GRWD1: variants seen among roughly 807,000 people sequenced by gnomAD.
GRWD1 encodes the protein glutamate-rich WD repeat-containing protein 1.
A neutral mutation model predicts 45.3 loss-of-function variants in GRWD1; 29 were observed. That is an observed-to-expected ratio of 0.64 (90% CI 0.48 to 0.87). The LOEUF (loss-of-function observed/expected upper bound fraction) is 0.87, where lower values mean the gene tolerates loss of function less well. Ranked by LOEUF, GRWD1 falls within the 40% of genes least tolerant of loss-of-function variation. The pLI is 0.00. For synonymous variants in GRWD1, 262 were observed against 257.6 expected (o/e 1.02, Z -0.16); for missense variants, 592 against 618.8 (o/e 0.96, Z 0.46).
At chr19:48,446,563 C>T in intron 2 of GRWD1, 61 bp downstream of exon 2, 1 of 1,585,230 alleles carries the variant, frequency 6.3e-7, no homozygotes, top group Non-Finnish European at 8.6e-7. Flanking sequence ...CCTCAGCACC[C>T]AGGAGTTAGG....
chr19:48,449,938 G>A (rs2147484380), intron 3 of GRWD1, among the ~76,000 whole-genome samples: 1 of 152,232 alleles, frequency 6.6e-6, no homozygotes, highest in South Asian at 2.1e-4. Flanking sequence ...AACAAACACA[G>A]AGGCAAGGAG....
chr19:48,453,082 T>C lies in GRWD1; in HGVS notation c.*57T>C. 1.3e-6 allele frequency: 2 copies of C among 1,487,374 alleles called. No homozygotes were observed. Among genetic ancestry groups the C allele is most frequent in the Non-Finnish European group, 1.8e-6 (2 of 1,101,972 alleles). The allele number at this position is 1,487,374 out of a possible 1,614,324, so 92.1% of individuals were successfully genotyped here. Reference sequence around the variant, plus strand: ...CTTGGAAACTGAAGTCGAATTGGGCTCCCCTGGAAGGGGTTCATTCAGGTC... The same window carrying C: ...CTTGGAAACTGAAGTCGAATTGGGCCCCCCTGGAAGGGGTTCATTCAGGTC... On this transcript the variant is annotated 3_prime_UTR_variant, in exon 7 of 7. Coordinates refer to ENST00000253237, the MANE Select transcript of GRWD1 (RefSeq NM_031485.4).
chr19:48,447,906 A>G (rs1489522500), intron 3 of GRWD1, among the ~76,000 whole-genome samples: 1 of 152,054 alleles, frequency 6.6e-6, no homozygotes, highest in Non-Finnish European at 1.5e-5. Flanking sequence ...TTGTAATATG[A>G]GGTATGTATT....
chr19:48,449,132 C>T (rs894258243), intron 3 of GRWD1, among the ~76,000 whole-genome samples: 22 of 151,824 alleles, frequency 1.4e-4, no homozygotes, highest in African/African-American at 5.1e-4. Flanking sequence ...TCGCTTTTGT[C>T]GCCCAGGCCG....
At chr19:48,447,197 C>G (rs1271848861) in intron 3 of GRWD1, among the ~76,000 whole-genome samples, 1 of 151,594 alleles carries the variant, frequency 6.6e-6, no homozygotes, top group Non-Finnish European at 1.5e-5. Flanking sequence ...CCTCAGCCTC[C>G]CAAGTAGCTG....
intron 3 of GRWD1, among the ~76,000 whole-genome samples, chr19:48,447,213 A>G (rs1398067503): frequency 6.6e-6 from 1 of 151,210 alleles, no homozygotes; most frequent in Non-Finnish European, 1.5e-5. Context: ...AGCTGGGGCT[A>G]TAGGCGCCTG....
In GRWD1 at chr19:48,453,352, G is replaced by A. The variant is rs1046319242; in HGVS notation, c.*327G>A. 2 of 239,260 alleles carry A rather than the reference G, an allele frequency of 8.4e-6. No individual in the cohort carries two copies. Among genetic ancestry groups the A allele is most frequent in the Non-Finnish European group, 1.6e-5 (2 of 123,850 alleles). The allele number at this position is 239,260 out of a possible 1,614,324, so 14.8% of individuals were successfully genotyped here. On this transcript the variant is annotated 3_prime_UTR_variant, in exon 7 of 7. Coordinates refer to ENST00000253237, the MANE Select transcript of GRWD1 (RefSeq NM_031485.4). The stretch of plus-strand genomic sequence containing the variant: ...CCAGAACCCAGTTTTTTGTTTGTTT[G>A]TTTGAGACGGAGTCTTGGTCTGTCG...
chr19:48,446,322 G>T, intron 1 of GRWD1, 63 bp from the exon 2 acceptor site: 1 of 1,561,472 alleles, frequency 6.4e-7, no homozygotes, highest in South Asian at 1.1e-5. Context: ...GATCCATGAG[G>T]GAGGTGGGGA....
At chr19:48,451,362 C>T (rs1404970790) in intron 6 of GRWD1, 131 bp downstream of exon 6, 2 of 769,472 alleles carry the variant, frequency 2.6e-6, no homozygotes, top group African/African-American at 3.5e-5. Flanking sequence ...TAGACTCCTG[C>T]CTCTTCAGGG....
chr19:48,450,587 G>A lies in GRWD1; in HGVS notation c.682+61G>A. 3 of 1,609,974 alleles carry A rather than the reference G, an allele frequency of 1.9e-6. No homozygotes were observed. The South Asian group carries it at 3.3e-5, about 18-fold the overall frequency. ...CGGGGGAGCAGGGTCTGCAACAAGG[G>A]GCCGGGCGCTTAGACTCCAAGGAGG... On this transcript the variant is annotated intron_variant, in intron 4 of 6. Transcript: ENST00000253237. This position sits in a 1 kb window ranked among gnomAD's most constrained non-coding sequence, Gnocchi z 5.1.
chr19:48,446,231 G>C (rs1001945327), intron 1 of GRWD1, 39 bp downstream of exon 1: 2 of 1,579,542 alleles, frequency 1.3e-6, no homozygotes, highest in African/African-American at 2.7e-5. Flanking sequence ...TGAGGTGGCT[G>C]ATCCCGAGCC....
rs2380120 is a variant in GRWD1, at chr19:48,446,929, A to C, written c.468+86A>C. On this transcript the variant is annotated intron_variant, in intron 3 of 6. Coordinates refer to ENST00000253237, the MANE Select transcript of GRWD1 (RefSeq NM_031485.4). ...TGTCCATAACTCCCAACACCTCCTC[A>C]TGTTCTTTTTTTTTTTTTTTTTTTT... is the stretch of plus-strand genomic sequence containing the variant. 2.0e-4 allele frequency: 7 copies of C among 34,446 alleles called. 1 individual carries two copies. The highest frequency in any genetic ancestry group is 5.2e-4 in the Non-Finnish European group (7 of 13,510). 2.1% of individuals were successfully genotyped at this position (34,446 alleles called of 1,614,324 possible). A position where few individuals can be genotyped will look rare whatever the true frequency, so the allele number is the denominator to read the frequency against.
intron 1 of GRWD1, 73 bp downstream of exon 1, chr19:48,446,265 A>AG: frequency 6.4e-7 from 1 of 1,565,656 alleles, no homozygotes; most frequent in Non-Finnish European, 8.7e-7. Flanking sequence ...GTGCTCGGGA[A>AG]GAGAAGGCTG....
Position 48,452,810 on chromosome 19 carries a change from C to T in GRWD1, c.1126C>T (p.His376Tyr). 1 of 1,613,416 alleles carries T rather than the reference C, an allele frequency of 6.2e-7. No individual in the cohort carries two copies. Among genetic ancestry groups the T allele is most frequent in the South Asian group, 1.1e-5 (1 of 91,042 alleles). ...SGVFAASGAD[H>Y]QITQWDLAVE... ...GGTCTTTGCAGCCTCGGGTGCAGAC[C>T]ACCAGATCACACAGTGGGACCTGGC... Residue 376 changes from histidine (H) to tyrosine (Y), a missense_variant, in exon 7 of 7, where the codon CAC (histidine) becomes TAC (tyrosine). His to Tyr is a moderately conservative substitution (Grantham distance 83). Coordinates refer to ENST00000253237, the MANE Select transcript of GRWD1 (RefSeq NM_031485.4). This position sits in a 1 kb window ranked among gnomAD's most constrained non-coding sequence, Gnocchi z 5.1.
Position 48,447,390 on chromosome 19 carries a change from G to A in GRWD1, c.468+547G>A, listed in dbSNP as rs1294869669. ...GCCAAGTAGCTGAGATTACAGGTGC[G>A]CGCCACCACGCCCGGCTAATTTTTG... On this transcript the variant is annotated intron_variant, in intron 3 of 6. Coordinates refer to ENST00000253237, the MANE Select transcript of GRWD1 (RefSeq NM_031485.4). Among the ~76,000 whole-genome samples, 3 of 152,192 alleles carry A rather than the reference G, an allele frequency of 2.0e-5. No individual in the cohort carries two copies. The South Asian group carries it at 6.2e-4, about 32-fold the overall frequency.
At position 48,450,468 on chromosome 19, in the gene GRWD1, C is replaced by G. The variant is rs752450363; in HGVS notation, c.624C>G (p.Phe208Leu). ...RDEQAQMKPIFSFAGHMGEGF... is the reference protein window; with the variant it reads ...RDEQAQMKPILSFAGHMGEGF... Reference sequence around the variant, plus strand: ...AGCAGGCCCAAATGAAGCCCATCTTCTCCTTCGCTGGACACATGGGCGAGG... The same window carrying G: ...AGCAGGCCCAAATGAAGCCCATCTTGTCCTTCGCTGGACACATGGGCGAGG... The change falls in exon 4 of 7, where the codon TTC (phenylalanine) becomes TTG (leucine). Residue 208 changes from phenylalanine to leucine, a missense_variant. Transcript: ENST00000253237. The surrounding 1 kb of genome is among the most constrained non-coding windows in gnomAD (Gnocchi z 5.1). 7 of 1,613,988 alleles carry G rather than the reference C, an allele frequency of 4.3e-6. No individual in the cohort carries two copies. In the East Asian group the frequency reaches 1.3e-4, roughly 31 times the overall value.
At chr19:48,451,441 C>G (rs1168955977) in intron 6 of GRWD1, among the ~76,000 whole-genome samples, 1 of 152,122 alleles carries the variant, frequency 6.6e-6, no homozygotes, top group Non-Finnish European at 1.5e-5. Flanking sequence ...GTCACTCACT[C>G]TACCAGGGGA....
chr19:48,450,345 G>C lies in GRWD1; in HGVS notation c.501G>C (p.Gly167=). 1 of 1,612,758 alleles carries C rather than the reference G, an allele frequency of 6.2e-7. No homozygotes were observed. The highest frequency in any genetic ancestry group is 8.5e-7 in the Non-Finnish European group (1 of 1,179,800). Residue 167 remains glycine (G), a synonymous_variant, in exon 4 of 7, where the codon GGG becomes GGC. Transcript: ENST00000253237. The surrounding 1 kb of genome is among the most constrained non-coding windows in gnomAD (Gnocchi z 5.1). ...VSWLGEEPVA[G]VWSEKGQVEV... The stretch of plus-strand genomic sequence containing the variant: ...GGCTGGGTGAAGAGCCTGTGGCTGG[G>C]GTGTGGTCAGAGAAGGGCCAGGTGG...
chr19:48,446,291 G>T, intron 1 of GRWD1, 94 bp from the exon 2 acceptor site: 1 of 1,559,942 alleles, frequency 6.4e-7, no homozygotes, highest in Non-Finnish European at 8.8e-7. Flanking sequence ...TAAGAGAAGT[G>T]ATTTCATACC....
Sources: gnomAD v4.1 joint callset for allele counts (sites outside exome capture counted in the v4.1 genomes callset) on GRCh38, gnomAD v4.1.1 for gene constraint, Gnocchi (gnomAD v3.1) non-coding constraint, MANE v1.5 for transcripts, NCBI Gene and HGNC (gene_info 2026-07-23, HGNC 2026-07-21) for gene names.